Variants in SPTLC2 observed in about 807,000 individuals in gnomAD.
The protein encoded by SPTLC2 is serine palmitoyltransferase long chain base subunit 2, also known as serine palmitoyltransferase 2.
SPTLC2 carries 21 observed loss-of-function variants against 62.0 expected under a neutral mutation model. That is an observed-to-expected ratio of 0.34 (90% CI 0.24 to 0.49). SPTLC2 has a LOEUF of 0.49. Among genes scored for constraint, SPTLC2 ranks in the 20% least tolerant of loss-of-function variants. SPTLC2 has a pLI of 0.99. For synonymous variants in SPTLC2, 261 were observed against 261.8 expected, an observed-to-expected ratio of 1.00 and a Z score of 0.03; for missense variants, 511 against 713.0, an observed-to-expected ratio of 0.72 and a Z score of 3.23.
intron 9 of SPTLC2, among the ~76,000 whole-genome samples, chr14:77,533,300 CAAAA>C (rs35192294): frequency 5.1e-5 from 5 of 98,452 alleles, no homozygotes; most frequent in East Asian, 2.7e-4. Flanking sequence ...AACTCCGTTG[CAAAA>C]AAAAAAAAAA....
intron 9 of SPTLC2, among the ~76,000 whole-genome samples, chr14:77,537,579 C>T (rs1248895620): frequency 2.0e-5 from 3 of 152,050 alleles, no homozygotes; most frequent in Non-Finnish European, 4.4e-5. Context: ...AGCAAAATTA[C>T]CTATATAGTC....
chr14:77,542,071 A>G (rs2079503748), intron 9 of SPTLC2, among the ~76,000 whole-genome samples: 1 of 151,844 alleles, frequency 6.6e-6, no homozygotes, highest in South Asian at 2.1e-4. Context: ...CGGAAAAAAA[A>G]AAAAAAACCA....
chr14:77,604,409 C>G (rs1476809567), intron 1 of SPTLC2, among the ~76,000 whole-genome samples: 1 of 152,164 alleles, frequency 6.6e-6, no homozygotes, highest in African/African-American at 2.4e-5. Context: ...ATAAATCACT[C>G]TTTGCTTAGT....
chr14:77,541,744 G>A (rs952776303), intron 9 of SPTLC2, among the ~76,000 whole-genome samples: 4 of 152,108 alleles, frequency 2.6e-5, no homozygotes, highest in African/African-American at 9.7e-5. Flanking sequence ...ATCTAGATGG[G>A]ATGCATCATG....
chr14:77,611,457 C>T (rs1411414193), intron 1 of SPTLC2, among the ~76,000 whole-genome samples: 5 of 27,442 alleles, frequency 1.8e-4, no homozygotes, highest in African/African-American at 5.2e-4. Flanking sequence ...CCCTATCTCG[C>T]CAAAAAAAAA....
chr14:77,514,903 A>T (rs1479175319), intron 11 of SPTLC2, among the ~76,000 whole-genome samples: 1 of 152,142 alleles, frequency 6.6e-6, no homozygotes, highest in Non-Finnish European at 1.5e-5. Context: ...TAAGTTATGT[A>T]GTCTTTGTTT....
intron 9 of SPTLC2, among the ~76,000 whole-genome samples, chr14:77,539,013 T>C (rs1186625686): frequency 6.6e-6 from 1 of 151,944 alleles, no homozygotes; most frequent in Non-Finnish European, 1.5e-5. Context: ...ATGGGGATGA[T>C]GATGATGATG....
chr14:77,573,137 C>T (rs971473102), intron 4 of SPTLC2, among the ~76,000 whole-genome samples: 4 of 152,050 alleles, frequency 2.6e-5, no homozygotes, highest in Non-Finnish European at 5.9e-5. Context: ...AATTTAATCT[C>T]ATGGAGGTAG....
chr14:77,576,959 AG>A, intron 3 of SPTLC2, 44 bp from the exon 4 acceptor site: 2 of 1,609,826 alleles, frequency 1.2e-6, no homozygotes, highest in Non-Finnish European at 1.7e-6. Flanking sequence ...TGAGCAAAAA[AG>A]TACTTACATG....
chr14:77,578,682 T>A, intron 3 of SPTLC2: 3 of 356,800 alleles, frequency 8.4e-6, no homozygotes, highest in South Asian at 7.0e-5. Flanking sequence ...ATCACGCCAC[T>A]GCACTCCAGC....
rs1443161276 is a variant in SPTLC2, at chr14:77,509,682, AATG to A, written c.*2599_*2601del. The A allele has an allele frequency of 2.8e-5, 11 of 390,572 alleles. No individual in the cohort carries two copies. The highest frequency in any genetic ancestry group is 4.1e-5 in the African/African-American group (2 of 48,452). 24.2% of individuals were successfully genotyped at this position (390,572 alleles called of 1,614,324 possible). A position where few individuals can be genotyped will look rare whatever the true frequency, so the allele number is the denominator to read the frequency against. Reference sequence around the variant, plus strand: ...TTGTATTCCTCCAAGTACTTGGATAAATGATGATACCTAGGATATGACTGGACC... The same window carrying A: ...TTGTATTCCTCCAAGTACTTGGATAAATGATACCTAGGATATGACTGGACC... On this transcript the variant is annotated 3_prime_UTR_variant, in exon 12 of 12. Transcript: ENST00000216484.
At chr14:77,580,642 G>C (rs778911605) in intron 2 of SPTLC2, among the ~76,000 whole-genome samples, 22 of 151,242 alleles carry the variant, frequency 1.5e-4, no homozygotes, top group Non-Finnish European at 3.1e-4. Flanking sequence ...AGGATCGCTT[G>C]TGGCCAGGAA....
chr14:77,560,906 TAC>T (rs2079611491), intron 6 of SPTLC2, among the ~76,000 whole-genome samples: 2 of 151,344 alleles, frequency 1.3e-5, no homozygotes, highest in South Asian at 2.1e-4. Context: ...AAAAACTACC[TAC>T]CTATCAGGTA....
chr14:77,515,475 A>G (rs2079353844), intron 11 of SPTLC2, among the ~76,000 whole-genome samples: 1 of 150,510 alleles, frequency 6.6e-6, no homozygotes, highest in African/African-American at 2.5e-5. Flanking sequence ...AAAGTTTTAT[A>G]GTTTTCAATA....
chr14:77,513,957 T>C (rs1051421751), intron 11 of SPTLC2, among the ~76,000 whole-genome samples: 1 of 150,262 alleles, frequency 6.7e-6, no homozygotes, highest in African/African-American at 2.4e-5. Flanking sequence ...TCACAGCACT[T>C]TGGGAGGCCA....
At chr14:77,543,991 G>C (rs1271812669) in intron 9 of SPTLC2, among the ~76,000 whole-genome samples, 2 of 151,978 alleles carry the variant, frequency 1.3e-5, no homozygotes, top group African/African-American at 4.8e-5. Context: ...AGGTAAAAAA[G>C]TTAAAAGGAA....
intron 4 of SPTLC2, among the ~76,000 whole-genome samples, chr14:77,575,600 T>G (rs144848527): frequency 5.6e-4 from 85 of 152,336 alleles, no homozygotes; most frequent in African/African-American, 2.0e-3. Context: ...AGCACGATCA[T>G]AGCTCACTGC....
Position 77,509,551 on chromosome 14 carries a change from G to T in SPTLC2, c.*2733C>A. On this transcript the variant is annotated 3_prime_UTR_variant, in exon 12 of 12. Coordinates refer to ENST00000216484, the MANE Select transcript of SPTLC2 (RefSeq NM_004863.4). Reference sequence around the variant, plus strand: ...TGGTAGTCATGGTTAACCGGTATCTGTTTGAATCCTATCAGAGTCTTGAAT... The same window carrying T: ...TGGTAGTCATGGTTAACCGGTATCTTTTTGAATCCTATCAGAGTCTTGAAT... The T allele has an allele frequency of 4.3e-6, 1 of 230,802 alleles. No individual in the cohort carries two copies. Among genetic ancestry groups the T allele is most frequent in the Non-Finnish European group, 8.3e-6 (1 of 120,310 alleles). 14.3% of individuals were successfully genotyped at this position (230,802 alleles called of 1,614,324 possible).
intron 1 of SPTLC2, among the ~76,000 whole-genome samples, chr14:77,607,524 T>G (rs2140064277): frequency 6.6e-6 from 1 of 152,360 alleles, no homozygotes; most frequent in South Asian, 2.1e-4. Flanking sequence ...TCCATGGCTT[T>G]CCAATGAATT....
Sources: allele counts gnomAD v4.1 joint callset (sites outside exome capture counted in the v4.1 genomes callset), GRCh38; gene constraint gnomAD v4.1.1; transcripts MANE v1.5; gene names NCBI Gene and HGNC (gene_info 2026-07-23, HGNC 2026-07-21).